Variants in MBTPS2 observed in about 807,000 individuals in gnomAD.
The protein encoded by MBTPS2 is membrane-bound transcription factor site-2 protease.
MBTPS2 carries 2 observed loss-of-function variants against 35.4 expected under a neutral mutation model. The observed-to-expected ratio is 0.06, with a 90% CI of 0.02 to 0.18. MBTPS2 has a LOEUF of 0.18. Among genes scored for constraint, MBTPS2 ranks in the 10% least tolerant of loss-of-function variants. The probability of loss-of-function intolerance (pLI) is 1.00; values close to 1 mark genes in which losing one functional copy is unlikely to be tolerated. For synonymous variants in MBTPS2, 125 were observed against 140.4 expected, an observed-to-expected ratio of 0.89 and a Z score of 0.77; for missense variants, 244 against 386.5, an observed-to-expected ratio of 0.63 and a Z score of 3.09.
At chrX:21,859,279 ATTTACT>A (rs1291047578) in intron 5 of MBTPS2, among the ~76,000 whole-genome samples, 2 of 105,377 alleles carry the variant, frequency 1.9e-5, no homozygotes, top group African/African-American at 6.9e-5. Flanking sequence ...TTTGGGAAAG[ATTTACT>A]TTAAAAGAGT....
chrX:21,839,711 C>G lies in MBTPS2; in HGVS notation c.-24C>G. 1 of 1,169,272 alleles carries G rather than the reference C, an allele frequency of 8.6e-7. No homozygotes were observed. Among genetic ancestry groups the G allele is most frequent in the Non-Finnish European group, 1.1e-6 (1 of 872,631 alleles). On this transcript the variant is annotated 5_prime_UTR_variant, in exon 1 of 11. Coordinates refer to ENST00000379484, the MANE Select transcript of MBTPS2 (RefSeq NM_015884.4). Reference sequence around the variant, plus strand: ...GGAGGAGGACGCCGGGGCTCGCCTTCCCTCCTCTGCCGCCGCTGCCGCCAT... The same window carrying G: ...GGAGGAGGACGCCGGGGCTCGCCTTGCCTCCTCTGCCGCCGCTGCCGCCAT...
intron 5 of MBTPS2, among the ~76,000 whole-genome samples, chrX:21,862,249 G>A (rs1300142633): frequency 1.8e-5 from 2 of 110,784 alleles, no homozygotes; most frequent in Non-Finnish European, 3.8e-5. Context: ...CTAGTGGCGT[G>A]TTAAGTGAAT....
In MBTPS2 at chrX:21,879,047, C is replaced by G. The variant is rs570171874; in HGVS notation, c.1261+355C>G. Among the ~76,000 whole-genome samples, 5 of 110,719 alleles carry G rather than the reference C, an allele frequency of 4.5e-5. No individual in the cohort carries two copies. The East Asian group carries it at 1.4e-3, about 32-fold the overall frequency. On this transcript the variant is annotated intron_variant, in intron 9 of 10. Coordinates refer to ENST00000379484, the MANE Select transcript of MBTPS2 (RefSeq NM_015884.4). ...AAGAGCAACATACCCTAGAGAATGC[C>G]AGGATGCATGGGGATGTAACTGTAA...
intron 7 of MBTPS2, chrX:21,869,927 T>C (rs1481336975): frequency 3.1e-6 from 1 of 327,863 alleles, no homozygotes; most frequent in Non-Finnish European, 5.4e-6. Flanking sequence ...ACTCTAATAT[T>C]TTCTGCTTTC....
At position 21,850,703 on chromosome X, in the gene MBTPS2, A is replaced by G. The variant is rs2092913847; in HGVS notation, c.439-806A>G. 2.7e-5 allele frequency among the ~76,000 whole-genome samples: 3 copies of G among 111,384 alleles called. No homozygotes were observed. The Admixed American group carries it at 2.9e-4, about 11-fold the overall frequency. The stretch of plus-strand genomic sequence containing the variant: ...GAATATATCTTTGCTATCTAAAAAA[A>G]TTTGCTGTGCAGCTCTTATCTTCCC... On this transcript the variant is annotated intron_variant, in intron 3 of 10. Coordinates refer to ENST00000379484, the MANE Select transcript of MBTPS2 (RefSeq NM_015884.4).
In MBTPS2 at chrX:21,853,574, T is replaced by C. The variant is rs1005826486; in HGVS notation, c.670+71T>C. 8 of 994,334 alleles carry C rather than the reference T, an allele frequency of 8.0e-6. No homozygotes were observed. The Admixed American group carries it at 1.8e-4, about 22-fold the overall frequency. The allele number at this position is 994,334 out of a possible 1,213,427, so 81.9% of individuals were successfully genotyped here. A position where few individuals can be genotyped will look rare whatever the true frequency, so the allele number is the denominator to read the frequency against. The stretch of plus-strand genomic sequence containing the variant: ...TTGATTTTCTATGGTTAGTGCTTTT[T>C]GGAAAATATATCACAAATGACAATA... On this transcript the variant is annotated intron_variant, in intron 5 of 10. Coordinates refer to ENST00000379484, the MANE Select transcript of MBTPS2 (RefSeq NM_015884.4).
At chrX:21,851,331 C>T (rs751417161) in intron 3 of MBTPS2, among the ~76,000 whole-genome samples, 178 bp from the exon 4 acceptor site, 2 of 111,890 alleles carry the variant, frequency 1.8e-5, no homozygotes, top group South Asian at 3.8e-4. Context: ...AATGAAATAG[C>T]GTTTTTGCTT....
At chrX:21,839,942 G>A in intron 1 of MBTPS2, 133 bp downstream of exon 1, 1 of 605,736 alleles carries the variant, frequency 1.7e-6, no homozygotes, top group Non-Finnish European at 2.7e-6. Context: ...TGGTGGATCG[G>A]CCCGGTGGAG....
intron 6 of MBTPS2, 64 bp downstream of exon 6, chrX:21,868,649 T>C (rs1175290734): frequency 1.3e-6 from 1 of 774,273 alleles, no homozygotes; most frequent in Non-Finnish European, 2.0e-6. Context: ...CTAGCATCTA[T>C]TCAGAAACTT....
intron 7 of MBTPS2, chrX:21,871,614 C>T (rs1395471315): frequency 8.9e-6 from 1 of 111,811 alleles, no homozygotes; most frequent in African/African-American, 3.2e-5. Context: ...GGTTGGTATT[C>T]AGTTGTTTCT....
rs775811766 is a variant in MBTPS2, at chrX:21,850,794, CAT to C, written c.439-712_439-711del. ...CATGATTGTAAGACAACTCCTGCTTCATATGTTTGTAACATGTCTGTAGGTTC... is the reference window on the plus strand; with the variant it reads ...CATGATTGTAAGACAACTCCTGCTTCATGTTTGTAACATGTCTGTAGGTTC... On this transcript the variant is annotated intron_variant, in intron 3 of 10. Coordinates refer to ENST00000379484, the MANE Select transcript of MBTPS2 (RefSeq NM_015884.4). Among the ~76,000 whole-genome samples the C allele has an allele frequency of 7.1e-5, 8 of 111,936 alleles. 1 individual carries two copies. The East Asian group carries it at 2.2e-3, about 31-fold the overall frequency.
At chrX:21,859,174 T>A (rs2092927988) in intron 5 of MBTPS2, among the ~76,000 whole-genome samples, 1 of 112,499 alleles carries the variant, frequency 8.9e-6, no homozygotes, top group South Asian at 3.6e-4. Context: ...TTACAATTTT[T>A]TTTTTAAATT....
intron 5 of MBTPS2, among the ~76,000 whole-genome samples, chrX:21,862,933 C>CATATATAAATATATATATAT (rs2092934132): frequency 3.6e-5 from 1 of 27,675 alleles, no homozygotes; most frequent in Non-Finnish European, 8.7e-5. Context: ...TATATATAAA[C>CATATATAAATATATATATAT]ATATATATAT....
chrX:21,857,491 C>G lies in MBTPS2; in HGVS notation c.670+3988C>G, dbSNP rs371944531. On this transcript the variant is annotated intron_variant, in intron 5 of 10. Transcript: ENST00000379484. Reference sequence around the variant, plus strand: ...TTGCGCACACACTTGCGCATCCACACCGGCGATAAGCCCTTCGTGTGCCCC... The same window carrying G: ...TTGCGCACACACTTGCGCATCCACAGCGGCGATAAGCCCTTCGTGTGCCCC... 1.7e-5 allele frequency: 20 copies of G among 1,210,611 alleles called. No individual in the cohort carries two copies. Among genetic ancestry groups the G allele is most frequent in the Non-Finnish European group, 2.0e-5 (18 of 895,439 alleles).
chrX:21,856,628 T>C, intron 5 of MBTPS2: 4 of 1,211,659 alleles, frequency 3.3e-6, no homozygotes, highest in Non-Finnish European at 4.5e-6. Context: ...TGGATGGCAA[T>C]TGGATCTACG....
chrX:21,859,951 A>C lies in MBTPS2; in HGVS notation c.670+6448A>C, dbSNP rs1426551933. On this transcript the variant is annotated intron_variant, in intron 5 of 10. Coordinates refer to ENST00000379484, the MANE Select transcript of MBTPS2 (RefSeq NM_015884.4). ...CTACCAAAAATAAAAAAATTAGCTG[A>C]GTGTGGGGCGCACACCTGTGGTCCT... Among the ~76,000 whole-genome samples the C allele has an allele frequency of 3.6e-5, 4 of 110,192 alleles. No individual in the cohort carries two copies. The East Asian group carries it at 8.5e-4, about 23-fold the overall frequency.
At position 21,878,691 on chromosome X, in the gene MBTPS2, A is replaced by T. The variant is rs2147453679; in HGVS notation, c.1260A>T (p.Thr420=). ...YVGHPLHLHY[T]VSITSFIPRF... is the part of the protein sequence containing the mutation. ...GACATCCTCTGCATCTTCACTACAC[A>T]GGTGAGTATTTTTGTGGTAGACCCT... Residue 420 remains threonine, a splice_region_variant and synonymous_variant, in exon 9 of 11, where the codon ACA becomes ACT. Transcript: ENST00000379484. 13 of 1,184,794 alleles carry T rather than the reference A, an allele frequency of 1.1e-5. No individual in the cohort carries two copies. Among genetic ancestry groups the T allele is most frequent in the Non-Finnish European group, 1.5e-5 (13 of 871,031 alleles).
intron 5 of MBTPS2, among the ~76,000 whole-genome samples, chrX:21,860,435 A>G (rs1021584825): frequency 1.8e-5 from 2 of 112,358 alleles, no homozygotes; most frequent in East Asian, 2.8e-4. Flanking sequence ...GTAAATGCCA[A>G]TAGTGTCCCT....
intron 7 of MBTPS2, among the ~76,000 whole-genome samples, chrX:21,873,812 A>G (rs775860369): frequency 3.7e-4 from 40 of 107,545 alleles, no homozygotes; most frequent in African/African-American, 1.3e-3. Context: ...GAATCTTTTC[A>G]ACAAACTTTG....
Sources: gnomAD v4.1 joint callset for allele counts (sites outside exome capture counted in the v4.1 genomes callset) on GRCh38, gnomAD v4.1.1 for gene constraint, MANE v1.5 for transcripts, NCBI Gene and HGNC (gene_info 2026-07-23, HGNC 2026-07-21) for gene names.